CHRNA7: variants seen among roughly 807,000 people sequenced by gnomAD.
CHRNA7 encodes neuronal acetylcholine receptor subunit alpha-7.
CHRNA7 carries 17 observed loss-of-function variants against 48.0 expected under a neutral mutation model. That is an observed-to-expected ratio of 0.35 (90% CI 0.24 to 0.53). The LOEUF (loss-of-function observed/expected upper bound fraction) is 0.53, where lower values mean the gene tolerates loss of function less well. CHRNA7 is among the 20% of genes least tolerant of loss of function. The probability of loss-of-function intolerance (pLI) is 0.92; values close to 1 mark genes in which losing one functional copy is unlikely to be tolerated. For missense variants in CHRNA7, 155 were observed against 577.7 expected, an observed-to-expected ratio of 0.27 and a Z score of 7.50; for synonymous variants, 75 against 242.3, an observed-to-expected ratio of 0.31 and a Z score of 6.41.
At chr15:32,140,967 T>G (rs1177404190) in intron 4 of CHRNA7, among the ~76,000 whole-genome samples, 1 of 152,224 alleles carries the variant, frequency 6.6e-6, no homozygotes, top group Non-Finnish European at 1.5e-5. Flanking sequence ...TGCCATTGCT[T>G]TTGGTGTTTT....
At chr15:32,124,917 G>A (rs1317974811) in intron 4 of CHRNA7, among the ~76,000 whole-genome samples, 1 of 152,184 alleles carries the variant, frequency 6.6e-6, no homozygotes, top group African/African-American at 2.4e-5. Context: ...AACCAGGACA[G>A]TTGCCCTCCC....
intron 4 of CHRNA7, among the ~76,000 whole-genome samples, chr15:32,112,552 A>C (rs796168273): frequency 2.0e-5 from 3 of 152,366 alleles, no homozygotes; most frequent in African/African-American, 7.2e-5. Flanking sequence ...TAGAAGCAGT[A>C]AAATTTCTCG....
At chr15:32,136,980 C>A (rs1382662124) in intron 4 of CHRNA7, among the ~76,000 whole-genome samples, 2 of 125,292 alleles carry the variant, frequency 1.6e-5, no homozygotes, top group Non-Finnish European at 3.1e-5. Flanking sequence ...TGCAGTGAGC[C>A]GAGATCCCGC....
At chr15:32,037,577 T>C (rs539679545) in intron 2 of CHRNA7, among the ~76,000 whole-genome samples, 1 of 152,294 alleles carries the variant, frequency 6.6e-6, no homozygotes, top group East Asian at 1.9e-4. Context: ...AGTTCTTCCT[T>C]TATTTTGTTT....
intron 4 of CHRNA7, among the ~76,000 whole-genome samples, chr15:32,113,609 C>T (rs1269811543): frequency 6.6e-6 from 1 of 152,054 alleles, no homozygotes; most frequent in East Asian, 1.9e-4. Context: ...TTCGGAGGAT[C>T]GCTCTGTGGA....
At chr15:32,052,435 A>C (rs2141190669) in intron 2 of CHRNA7, among the ~76,000 whole-genome samples, 1 of 152,254 alleles carries the variant, frequency 6.6e-6, no homozygotes, top group Admixed American at 6.5e-5. Flanking sequence ...AAAGGGAGTA[A>C]GTTAGATGGA....
At chr15:32,124,210 C>T (rs1031269225) in intron 4 of CHRNA7, among the ~76,000 whole-genome samples, 38 of 152,126 alleles carry the variant, frequency 2.5e-4, no homozygotes, top group African/African-American at 8.9e-4. Context: ...ACCATGTCTG[C>T]CAAATGCCAT....
chr15:32,085,827 A>C (rs1375681390), intron 2 of CHRNA7, among the ~76,000 whole-genome samples: 1 of 152,204 alleles, frequency 6.6e-6, no homozygotes. Flanking sequence ...CCAAAGTTGA[A>C]GTCCATAATT....
At chr15:32,113,574 C>T (rs1297908741) in intron 4 of CHRNA7, among the ~76,000 whole-genome samples, 1 of 152,002 alleles carries the variant, frequency 6.6e-6, no homozygotes, top group Non-Finnish European at 1.5e-5. Context: ...CTTTGAAAAA[C>T]GGGGAAAGTG....
In CHRNA7 at chr15:32,036,647, C is replaced by G. The variant is rs374001842; in HGVS notation, c.195+5610C>G. Among the ~76,000 whole-genome samples the G allele has an allele frequency of 4.6e-5, 7 of 152,140 alleles. No homozygotes were observed. In the East Asian group the frequency reaches 9.6e-4, roughly 21 times the overall value. Reference sequence around the variant, plus strand: ...CATTCCAATAGGTGTGTAGTGGAATCTCATTGTTTTATATTTGCATTTCCC... The same window carrying G: ...CATTCCAATAGGTGTGTAGTGGAATGTCATTGTTTTATATTTGCATTTCCC... On this transcript the variant is annotated intron_variant, in intron 2 of 9. Transcript: ENST00000306901.
At chr15:32,079,972 A>C (rs552528069) in intron 2 of CHRNA7, among the ~76,000 whole-genome samples, 22 of 152,300 alleles carry the variant, frequency 1.4e-4, no homozygotes, top group African/African-American at 4.1e-4. Flanking sequence ...AATGGAACAG[A>C]ATAGAGAATT....
At chr15:32,091,212 ATTTTTGGGGGC>A (rs1306493596) in intron 2 of CHRNA7, among the ~76,000 whole-genome samples, 1 of 151,900 alleles carries the variant, frequency 6.6e-6, no homozygotes, top group African/African-American at 2.4e-5. Flanking sequence ...TCTTGTCTGT[ATTTTTGGGGGC>A]TTATTCCTCC....
chr15:32,095,360 A>G (rs1266434294), intron 2 of CHRNA7, among the ~76,000 whole-genome samples: 1 of 152,244 alleles, frequency 6.6e-6, no homozygotes, highest in African/African-American at 2.4e-5. Context: ...ATGTGATTAT[A>G]TCTATCAATA....
At chr15:32,084,225 C>T (rs1011965600) in intron 2 of CHRNA7, among the ~76,000 whole-genome samples, 1 of 152,178 alleles carries the variant, frequency 6.6e-6, no homozygotes, top group Non-Finnish European at 1.5e-5. Context: ...TTCTACAGGA[C>T]TTCTTAGAAT....
chr15:32,073,885 A>G (rs1297763952), intron 2 of CHRNA7, among the ~76,000 whole-genome samples: 1 of 152,156 alleles, frequency 6.6e-6, no homozygotes, highest in Non-Finnish European at 1.5e-5. Flanking sequence ...CAGAAACCAA[A>G]TAAATCTCTT....
intron 4 of CHRNA7, among the ~76,000 whole-genome samples, chr15:32,143,501 A>C (rs999728600): frequency 2.6e-5 from 4 of 151,390 alleles, no homozygotes; most frequent in African/African-American, 9.7e-5. Context: ...TCGTTGATCT[A>C]ATATTGACAG....
intron 4 of CHRNA7, among the ~76,000 whole-genome samples, chr15:32,134,503 T>G (rs2051212460): frequency 6.6e-6 from 1 of 152,204 alleles, no homozygotes; most frequent in African/African-American, 2.4e-5. Flanking sequence ...CTTCATTAAT[T>G]TTTTTAAGAA....
In CHRNA7 at chr15:32,142,094, A is replaced by G. The variant is rs201495263; in HGVS notation, c.351-11813A>G. Among the ~76,000 whole-genome samples the G allele has an allele frequency of 1.4e-4, 22 of 152,290 alleles. No homozygotes were observed. The East Asian group carries it at 4.2e-3, about 29-fold the overall frequency. ...CTCTTATTATTTTGAGATACGTTCCATCAATACCTAGTTTATTGAGAGTTT... is the reference window on the plus strand; with the variant it reads ...CTCTTATTATTTTGAGATACGTTCCGTCAATACCTAGTTTATTGAGAGTTT... On this transcript the variant is annotated intron_variant, in intron 4 of 9. Coordinates refer to ENST00000306901, the MANE Select transcript of CHRNA7 (RefSeq NM_000746.6).
intron 2 of CHRNA7, among the ~76,000 whole-genome samples, chr15:32,091,957 C>G (rs552333910): frequency 7.3e-4 from 4 of 5,516 alleles, no homozygotes; most frequent in African/African-American, 7.7e-4. Context: ...ATTATAGAGT[C>G]TCCTGTTTTC....
Sources: allele counts gnomAD v4.1 joint callset (sites outside exome capture counted in the v4.1 genomes callset), GRCh38; gene constraint gnomAD v4.1.1; transcripts MANE v1.5; gene names NCBI Gene and HGNC (gene_info 2026-07-23, HGNC 2026-07-21).